The following PRIM2 variants were observed in gnomAD, a reference collection of about 807,000 sequenced individuals.
The protein encoded by PRIM2 is DNA primase large subunit.
PRIM2 carries 39 observed loss-of-function variants against 67.3 expected under a neutral mutation model. That is an observed-to-expected ratio of 0.58 (90% CI 0.45 to 0.76). The LOEUF (loss-of-function observed/expected upper bound fraction) is 0.76. Ranked by LOEUF, PRIM2 falls within the 30% of genes least tolerant of loss-of-function variation. The pLI is 0.00. For synonymous variants in PRIM2, 143 were observed against 198.7 expected (o/e 0.72, Z 2.36); for missense variants, 398 against 598.7 (o/e 0.66, Z 3.50).
At chr6:57,222,932 T>G in the PRIM2 span, among the ~76,000 whole-genome samples, 1 of 152,174 alleles carries the variant, frequency 6.6e-6, no homozygotes, top group Non-Finnish European at 1.5e-5. Flanking sequence ...GGCCCCGCAG[T>G]TCCACGCCTG....
the PRIM2 span, among the ~76,000 whole-genome samples, chr6:57,243,268 A>G: frequency 6.6e-6 from 1 of 152,198 alleles, no homozygotes; most frequent in Non-Finnish European, 1.5e-5. Context: ...GAAGAAGGAT[A>G]AGGAGTGTTT....
the PRIM2 span, among the ~76,000 whole-genome samples, chr6:57,277,706 G>T: frequency 1.3e-5 from 2 of 151,976 alleles, no homozygotes; most frequent in African/African-American, 4.8e-5. Flanking sequence ...CTGGCCAGGC[G>T]CGGTGGCTTC....
At chr6:57,640,534 CAAAGTCTCAGG>C (rs1777212050) in intron 13 of PRIM2, among the ~76,000 whole-genome samples, 1 of 152,172 alleles carries the variant, frequency 6.6e-6, no homozygotes, top group African/African-American at 2.4e-5. Flanking sequence ...GCAACTTCAG[CAAAGTCTCAGG>C]ATACAAAATC....
chr6:57,360,179 C>T (rs1017075544), intron 5 of PRIM2, among the ~76,000 whole-genome samples: 5 of 152,068 alleles, frequency 3.3e-5, no homozygotes. Flanking sequence ...TGGTGAATAC[C>T]AATATGTTCA....
intron 10 of PRIM2, among the ~76,000 whole-genome samples, chr6:57,538,726 G>A (rs1775070344): frequency 6.6e-6 from 1 of 152,168 alleles, no homozygotes; most frequent in East Asian, 1.9e-4. Flanking sequence ...CCAAGTATTG[G>A]CAGATTTGGT....
chr6:57,291,415 G>T, the PRIM2 span, among the ~76,000 whole-genome samples: 1 of 152,040 alleles, frequency 6.6e-6, no homozygotes, highest in South Asian at 2.1e-4. Flanking sequence ...TTCTACCAGA[G>T]GTACAAAGAG....
chr6:57,225,880 T>C, the PRIM2 span, among the ~76,000 whole-genome samples: 1 of 152,296 alleles, frequency 6.6e-6, no homozygotes, highest in African/African-American at 2.4e-5. Context: ...TAGACAATAA[T>C]AATCTACTGT....
At chr6:57,507,599 T>G in intron 8 of PRIM2, 145 bp downstream of exon 8, 1 of 1,015,612 alleles carries the variant, frequency 9.8e-7, no homozygotes, top group Non-Finnish European at 1.4e-6. Context: ...ATTGAAGTTC[T>G]TAATACCATG....
At chr6:57,340,387 C>G (rs1298936342) in intron 5 of PRIM2, among the ~76,000 whole-genome samples, 2 of 152,076 alleles carry the variant, frequency 1.3e-5, no homozygotes, top group Non-Finnish European at 1.5e-5. Context: ...AATCATGCTG[C>G]TATAAAGACA....
chr6:57,352,069 A>G (rs576489002), intron 5 of PRIM2, among the ~76,000 whole-genome samples: 4 of 152,278 alleles, frequency 2.6e-5, no homozygotes, highest in South Asian at 2.1e-4. Context: ...TAGCTATCTT[A>G]TTGTTTATTG....
intron 7 of PRIM2, 90 bp from the exon 8 acceptor site, chr6:57,507,297 T>G: frequency 1.2e-6 from 1 of 860,668 alleles, no homozygotes; most frequent in Admixed American, 2.9e-5. Flanking sequence ...TGCCTCCCTA[T>G]CTGCCCTTCA....
the PRIM2 span, among the ~76,000 whole-genome samples, chr6:57,253,364 T>G: frequency 6.6e-6 from 1 of 152,198 alleles, no homozygotes; most frequent in African/African-American, 2.4e-5. Flanking sequence ...CTATAAACTA[T>G]GGTCTATAAA....
the PRIM2 span, among the ~76,000 whole-genome samples, chr6:57,305,551 T>C: frequency 2.0e-5 from 3 of 152,332 alleles, no homozygotes; most frequent in African/African-American, 7.2e-5. Flanking sequence ...CGAGATGGAT[T>C]CATGTGAAAT....
chr6:57,547,931 A>G (rs1164055237), intron 10 of PRIM2, among the ~76,000 whole-genome samples: 1 of 152,214 alleles, frequency 6.6e-6, no homozygotes, highest in Non-Finnish European at 1.5e-5. Flanking sequence ...TTTATTTCAG[A>G]GACCAGTAGA....
chr6:57,537,085 G>A (rs1249312356), intron 9 of PRIM2, among the ~76,000 whole-genome samples: 1 of 152,028 alleles, frequency 6.6e-6, no homozygotes, highest in Non-Finnish European at 1.5e-5. Flanking sequence ...ATCTTTGGGG[G>A]AATTTGGATA....
intron 12 of PRIM2, among the ~76,000 whole-genome samples, chr6:57,617,131 G>C (rs1448426358): frequency 6.6e-6 from 1 of 152,216 alleles, no homozygotes; most frequent in African/African-American, 2.4e-5. Context: ...GGGAGAATCT[G>C]TTCCCACGTT....
At chr6:57,568,089 G>GA (rs1319385257) in intron 10 of PRIM2, among the ~76,000 whole-genome samples, 24 of 150,026 alleles carry the variant, frequency 1.6e-4, no homozygotes, top group African/African-American at 3.4e-4. Context: ...GAGTATGACT[G>GA]AAAAAAAAAT....
chr6:57,572,888 C>T (rs1775888102), intron 10 of PRIM2, among the ~76,000 whole-genome samples: 1 of 152,206 alleles, frequency 6.6e-6, no homozygotes, highest in Admixed American at 6.5e-5. Context: ...GGGCTCTCAT[C>T]TGCCACTACT....
intron 3 of PRIM2, 110 bp from the exon 4 acceptor site, chr6:57,324,091 A>T (rs79594432): frequency 0.11 from 72,054 of 628,252 alleles, 4,619 homozygotes; most frequent in African/African-American, 0.17. Context: ...CTCTAAAAAA[A>T]GAAATGTTTT....
Sources: gnomAD v4.1 joint callset for allele counts (sites outside exome capture counted in the v4.1 genomes callset) on GRCh38, gnomAD v4.1.1 for gene constraint, MANE v1.5 for transcripts, NCBI Gene and HGNC (gene_info 2026-07-23, HGNC 2026-07-21) for gene names.